NEBL: variants seen among roughly 807,000 people sequenced by gnomAD.
NEBL encodes nebulette.
A neutral mutation model predicts 140.2 loss-of-function variants in NEBL; 122 were observed. The observed-to-expected ratio is 0.87, with a 90% CI of 0.75 to 1.01. The LOEUF (loss-of-function observed/expected upper bound fraction) is 1.01. Among genes scored for constraint, NEBL ranks in the 50% least tolerant of loss-of-function variants. The pLI is 0.00. For missense variants in NEBL, 1,365 were observed against 1,231.3 expected (o/e 1.11, Z -1.62); for synonymous variants, 436 against 398.9 (o/e 1.09, Z -1.11).
At chr10:20,895,651 G>A (rs1332159894) in intron 2 of NEBL, among the ~76,000 whole-genome samples, 2 of 152,116 alleles carry the variant, frequency 1.3e-5, no homozygotes, top group African/African-American at 4.8e-5. Context: ...AATAGCTAAT[G>A]ACTATTAAGT....
intron 3 of NEBL, among the ~76,000 whole-genome samples, chr10:21,197,218 A>C (rs1409199849): frequency 6.6e-6 from 1 of 152,242 alleles, no homozygotes; most frequent in Non-Finnish European, 1.5e-5. Flanking sequence ...AGGTTGTTTA[A>C]ACATACAGAT....
intron 4 of NEBL, among the ~76,000 whole-genome samples, chr10:20,913,850 T>C (rs977987856): frequency 2.6e-5 from 4 of 152,238 alleles, no homozygotes; most frequent in African/African-American, 9.6e-5. Context: ...TTTATGCTCA[T>C]GTACTGGAGC....
At chr10:21,038,838 A>G (rs1834125683) in intron 2 of NEBL, among the ~76,000 whole-genome samples, 1 of 152,210 alleles carries the variant, frequency 6.6e-6, no homozygotes, top group Non-Finnish European at 1.5e-5. Flanking sequence ...ACAGTGTAAA[A>G]GCATTCCTAT....
At chr10:21,011,863 C>A (rs1286561671) in intron 3 of NEBL, among the ~76,000 whole-genome samples, 1 of 152,216 alleles carries the variant, frequency 6.6e-6, no homozygotes, top group Non-Finnish European at 1.5e-5. Flanking sequence ...ATGCCCCTGG[C>A]AGCTCCCAGC....
chr10:20,803,945 C>A (rs1295023160), intron 26 of NEBL, among the ~76,000 whole-genome samples: 1 of 150,748 alleles, frequency 6.6e-6, no homozygotes, highest in Non-Finnish European at 1.5e-5. Flanking sequence ...TTCTTGAAAG[C>A]CTTCCCCAAG....
At chr10:21,033,961 T>C (rs921343899) in intron 2 of NEBL, among the ~76,000 whole-genome samples, 22 of 151,616 alleles carry the variant, frequency 1.5e-4, no homozygotes, top group Admixed American at 1.2e-3. Flanking sequence ...AGTCAGAGAC[T>C]TTGAGACCAA....
At chr10:21,100,210 G>A (rs1024962314) in intron 2 of NEBL, among the ~76,000 whole-genome samples, 1 of 152,026 alleles carries the variant, frequency 6.6e-6, no homozygotes, top group Non-Finnish European at 1.5e-5. Flanking sequence ...TTCTCTTGGC[G>A]AGCATTTACT....
At chr10:21,154,809 C>A (rs1385359505) in intron 2 of NEBL, among the ~76,000 whole-genome samples, 1 of 152,102 alleles carries the variant, frequency 6.6e-6, no homozygotes, top group Non-Finnish European at 1.5e-5. Flanking sequence ...TACAGGGGTA[C>A]TTTTTGAATT....
At chr10:20,944,079 G>C (rs1835036807) in intron 4 of NEBL, among the ~76,000 whole-genome samples, 1 of 152,166 alleles carries the variant, frequency 6.6e-6, no homozygotes, top group African/African-American at 2.4e-5. Flanking sequence ...AACAATAAAA[G>C]TTAAGGCTTA....
intron 4 of NEBL, among the ~76,000 whole-genome samples, chr10:20,949,452 G>A (rs7100818): frequency 6.6e-6 from 1 of 152,028 alleles, no homozygotes; most frequent in Non-Finnish European, 1.5e-5. Flanking sequence ...ATCCCAGAAC[G>A]TAAAGTAAAA....
At chr10:21,198,296 C>G (rs762172203) in intron 3 of NEBL, among the ~76,000 whole-genome samples, 1 of 152,128 alleles carries the variant, frequency 6.6e-6, no homozygotes, top group East Asian at 1.9e-4. Context: ...ATTCAAAGAC[C>G]TTTTCCATAT....
chr10:21,152,415 C>T (rs1840178525), intron 2 of NEBL, among the ~76,000 whole-genome samples: 1 of 152,174 alleles, frequency 6.6e-6, no homozygotes, highest in African/African-American at 2.4e-5. Flanking sequence ...CCTCACATCA[C>T]AGGCTACAAG....
chr10:21,119,429 A>C (rs1233727749), intron 2 of NEBL, among the ~76,000 whole-genome samples: 2 of 118,100 alleles, frequency 1.7e-5, no homozygotes, highest in Non-Finnish European at 3.1e-5. Context: ...TAATATACTT[A>C]ATATAACATA....
chr10:20,817,559 C>T (rs375782791), intron 21 of NEBL, 41 bp downstream of exon 21: 35 of 1,423,986 alleles, frequency 2.5e-5, no homozygotes, highest in Middle Eastern at 1.7e-4. Flanking sequence ...GTGGACAATG[C>T]ATTTGATAGT....
chr10:21,082,715 A>G (rs146108017), intron 2 of NEBL, among the ~76,000 whole-genome samples: 35 of 151,022 alleles, frequency 2.3e-4, no homozygotes, highest in African/African-American at 8.5e-4. Flanking sequence ...ACTTGAAAAT[A>G]CATTTATTTA....
chr10:20,997,128 A>G (rs1437389034), intron 3 of NEBL, among the ~76,000 whole-genome samples: 1 of 152,234 alleles, frequency 6.6e-6, no homozygotes, highest in Non-Finnish European at 1.5e-5. Context: ...GTCCATCAGT[A>G]TGAAAGTCAT....
chr10:20,893,889 G>C (rs967939668), intron 2 of NEBL, among the ~76,000 whole-genome samples: 1 of 152,180 alleles, frequency 6.6e-6, no homozygotes, highest in African/African-American at 2.4e-5. Flanking sequence ...TCAGAAATTA[G>C]GAATGAAATG....
chr10:20,915,758 T>C (rs1398336873), intron 4 of NEBL, among the ~76,000 whole-genome samples: 3 of 152,158 alleles, frequency 2.0e-5, no homozygotes, highest in Non-Finnish European at 4.4e-5. Flanking sequence ...TATAGTCCTT[T>C]GGGTATATAC....
intron 3 of NEBL, among the ~76,000 whole-genome samples, chr10:21,236,499 G>A (rs1479999624): frequency 6.6e-6 from 1 of 151,644 alleles, no homozygotes; most frequent in Non-Finnish European, 1.5e-5. Flanking sequence ...AGGTGCACAC[G>A]ACCACGCCTG....
Sources: allele counts gnomAD v4.1 joint callset (sites outside exome capture counted in the v4.1 genomes callset), GRCh38; gene constraint gnomAD v4.1.1; transcripts MANE v1.5; gene names NCBI Gene and HGNC (gene_info 2026-07-23, HGNC 2026-07-21).